FKBP4: variants seen among roughly 807,000 people sequenced by gnomAD.
The protein encoded by FKBP4 is FKBP prolyl isomerase 4, also known as peptidyl-prolyl cis-trans isomerase FKBP4.
FKBP4 carries 28 observed loss-of-function variants against 54.1 expected under a neutral mutation model. The ratio of observed to expected loss-of-function variants is 0.52; its 90% CI spans 0.38 to 0.71. The LOEUF (loss-of-function observed/expected upper bound fraction) is 0.71. FKBP4 is among the 30% of genes least tolerant of loss of function. The pLI is 0.00. For synonymous variants in FKBP4, 223 were observed against 216.1 expected, an observed-to-expected ratio of 1.03 and a Z score of -0.28; for missense variants, 493 against 574.4, an observed-to-expected ratio of 0.86 and a Z score of 1.45.
chr12:2,799,722 T>A, intron 5 of FKBP4, 128 bp from the exon 6 acceptor site: 1 of 774,712 alleles, frequency 1.3e-6, no homozygotes, highest in Non-Finnish European at 2.2e-6. Flanking sequence ...CAGGGAAGAT[T>A]TGCCAAACAT....
chr12:2,799,352 C>A, intron 5 of FKBP4, 108 bp downstream of exon 5: 4 of 1,141,712 alleles, frequency 3.5e-6, no homozygotes, highest in Non-Finnish European at 4.8e-6. Context: ...CTGGCCACAC[C>A]AAACATACAC....
intron 1 of FKBP4, chr12:2,796,440 T>C: frequency 1.6e-6 from 2 of 1,262,838 alleles, no homozygotes; most frequent in South Asian, 2.6e-5. Context: ...CCCTGTCTAT[T>C]CTTCGTGGAA....
At chr12:2,796,647 C>A in intron 1 of FKBP4, 1 of 1,126,630 alleles carries the variant, frequency 8.9e-7, no homozygotes, top group Non-Finnish European at 1.1e-6. Context: ...TGTTTCTATT[C>A]TCTTCACTCA....
intron 2 of FKBP4, among the ~76,000 whole-genome samples, 156 bp from the exon 3 acceptor site, chr12:2,797,573 T>TA (rs2097902593): frequency 6.6e-6 from 1 of 152,176 alleles, no homozygotes; most frequent in Non-Finnish European, 1.5e-5. Context: ...TTAGACCTGG[T>TA]AGCACTTAAT....
In FKBP4 at chr12:2,799,877, A is replaced by G. The variant is rs576638260; in HGVS notation, c.699A>G (p.Glu233=). The change falls in exon 6 of 10, where the codon GAA becomes GAG. Residue 233 remains glutamate (E), a synonymous_variant. Transcript: ENST00000001008. ...ATGCTTTTGGCAGTGTTGGGAAGGAAAAGTTCCAAATCCCACCAAATGCTG... is the reference window on the plus strand; with the variant it reads ...ATGCTTTTGGCAGTGTTGGGAAGGAGAAGTTCCAAATCCCACCAAATGCTG... ...PSYAFGSVGK[E]KFQIPPNAEL... is the part of the protein sequence containing the mutation. The G allele has an allele frequency of 1.9e-6, 3 of 1,614,140 alleles. No homozygotes were observed. Among genetic ancestry groups the G allele is most frequent in the South Asian group, 2.2e-5 (2 of 91,070 alleles).
chr12:2,798,589 G>A lies in FKBP4; in HGVS notation c.394-117G>A. The A allele has an allele frequency of 6.5e-7, 1 of 1,545,656 alleles. No homozygotes were observed. Among genetic ancestry groups the A allele is most frequent in the Non-Finnish European group, 8.8e-7 (1 of 1,136,200 alleles). On this transcript the variant is annotated intron_variant, in intron 3 of 9. Coordinates refer to ENST00000001008, the MANE Select transcript of FKBP4 (RefSeq NM_002014.4). The surrounding 1 kb of genome is among the most constrained non-coding windows in gnomAD (Gnocchi z 4.3). ...CCACTCTACCCAACTCCTTGTGACT[G>A]CCCTTGTGGTCAGATCCGGCCTGGC...
chr12:2,801,439 CTG>C, intron 9 of FKBP4, 83 bp downstream of exon 9: 2 of 1,584,798 alleles, frequency 1.3e-6, no homozygotes, highest in Non-Finnish European at 1.7e-6. Flanking sequence ...CTTTGGTTGT[CTG>C]TGCCAATCCC....
At chr12:2,796,786 C>G in intron 1 of FKBP4, 1 of 1,079,908 alleles carries the variant, frequency 9.3e-7, no homozygotes, top group South Asian at 2.9e-5. Context: ...ATTATTCAAC[C>G]TTTTACTGGT....
At chr12:2,799,766 T>C (rs1353150182) in intron 5 of FKBP4, 84 bp from the exon 6 acceptor site, 21 of 1,206,474 alleles carry the variant, frequency 1.7e-5, no homozygotes, top group Admixed American at 5.4e-5. Flanking sequence ...GAAGGTACTT[T>C]CCAGGAAATG....
chr12:2,802,247 C>T (rs1361793378), intron 9 of FKBP4, among the ~76,000 whole-genome samples: 2 of 152,166 alleles, frequency 1.3e-5, no homozygotes, highest in African/African-American at 4.8e-5. Flanking sequence ...AAGCGATTCT[C>T]CTGCCTCGGC....
intron 3 of FKBP4, 96 bp downstream of exon 3, chr12:2,797,967 A>G (rs1370233163): frequency 1.4e-6 from 2 of 1,458,612 alleles, no homozygotes; most frequent in Non-Finnish European, 1.9e-6. Context: ...CTTGGAGACA[A>G]TGTAGCCAAG....
Position 2,801,099 on chromosome 12 carries a change from C to A in FKBP4, c.1033-18C>A, listed in dbSNP as rs1253514546. 2 of 1,612,904 alleles carry A rather than the reference C, an allele frequency of 1.2e-6. No individual in the cohort carries two copies. The highest frequency in any genetic ancestry group is 1.1e-5 in the South Asian group (1 of 91,062). ...GCCCTGAGCTCCCACAATGTGGCTT[C>A]CTCTCTGCATTCTTTAGGCCCTAGA... On this transcript the variant is annotated intron_variant, in intron 8 of 9. Coordinates refer to ENST00000001008, the MANE Select transcript of FKBP4 (RefSeq NM_002014.4).
At chr12:2,800,867 T>C (rs997100442) in intron 8 of FKBP4, among the ~76,000 whole-genome samples, 29 of 152,252 alleles carry the variant, frequency 1.9e-4, no homozygotes, top group Admixed American at 5.9e-4. Flanking sequence ...TGCTTTATTC[T>C]AAAGTGAATG....
At position 2,798,591 on chromosome 12, in the gene FKBP4, C is replaced by A; in HGVS notation, c.394-115C>A. On this transcript the variant is annotated intron_variant, in intron 3 of 9. Transcript: ENST00000001008. This position sits in a 1 kb window ranked among gnomAD's most constrained non-coding sequence, Gnocchi z 4.3. The stretch of plus-strand genomic sequence containing the variant: ...ACTCTACCCAACTCCTTGTGACTGC[C>A]CTTGTGGTCAGATCCGGCCTGGCAG... 1 of 1,552,480 alleles carries A rather than the reference C, an allele frequency of 6.4e-7. No individual in the cohort carries two copies. The highest frequency in any genetic ancestry group is 8.8e-7 in the Non-Finnish European group (1 of 1,141,232).
At position 2,801,309 on chromosome 12, in the gene FKBP4, A is replaced by C. The variant is rs201034010; in HGVS notation, c.1225A>C (p.Lys409Gln). ...CCGAAGGCAGCTTGCCCGGGAGAAGAAGCTCTATGCCAATATGTTTGAGAG... is the reference window on the plus strand; with the variant it reads ...CCGAAGGCAGCTTGCCCGGGAGAAGCAGCTCTATGCCAATATGTTTGAGAG... ...RIRRQLAREK[K>Q]LYANMFERLA... The change falls in exon 9 of 10, where the codon AAG (lysine) becomes CAG (glutamine). Residue 409 changes from lysine (K) to glutamine (Q), a missense_variant. Lys to Gln is a moderately conservative substitution (Grantham distance 53). Transcript: ENST00000001008. The C allele has an allele frequency of 7.7e-5, 125 of 1,614,180 alleles. No individual in the cohort carries two copies. Among genetic ancestry groups the C allele is most frequent in the Admixed American group, 6.8e-4 (41 of 60,032 alleles).
rs2097901488 is a variant in FKBP4, at chr12:2,795,851, G to A, written c.105+607G>A. Reference sequence around the variant, plus strand: ...CCCTGCCGACGCCGGGACCCAGCGAGGTCCCCACTCGCCGCGCGGCGCCCC... The same window carrying A: ...CCCTGCCGACGCCGGGACCCAGCGAAGTCCCCACTCGCCGCGCGGCGCCCC... On this transcript the variant is annotated intron_variant, in intron 1 of 9. Transcript: ENST00000001008. The surrounding 1 kb of genome is among the most constrained non-coding windows in gnomAD (Gnocchi z 4.3). The A allele has an allele frequency of 4.6e-6, 3 of 648,950 alleles. No homozygotes were observed. Among genetic ancestry groups the A allele is most frequent in the Non-Finnish European group, 5.8e-6 (3 of 520,776 alleles). The allele number at this position is 648,950 out of a possible 1,614,324, so 40.2% of individuals were successfully genotyped here.
rs2097906463 is a variant in FKBP4, at chr12:2,804,399, G to A, written c.*1141G>A. 1 of 152,244 alleles carries A rather than the reference G, an allele frequency of 6.6e-6. No individual in the cohort carries two copies. Among genetic ancestry groups the A allele is most frequent in the South Asian group, 2.1e-4 (1 of 4,834 alleles). 9.4% of individuals were successfully genotyped at this position (152,244 alleles called of 1,614,324 possible). A position where few individuals can be genotyped will look rare whatever the true frequency, so the allele number is the denominator to read the frequency against. On this transcript the variant is annotated 3_prime_UTR_variant, in exon 10 of 10. Transcript: ENST00000001008. ...TGGTGTCACTGACCTCCTCCTGTCA[G>A]ATAACTTACATGATTAAGGTTAAGA...
chr12:2,797,082 G>C, intron 1 of FKBP4, 56 bp from the exon 2 acceptor site: 3 of 1,605,348 alleles, frequency 1.9e-6, no homozygotes, highest in Non-Finnish European at 2.6e-6. Context: ...AGGCAGTGCT[G>C]GTGCCCCTTT....
At chr12:2,797,651 A>T in intron 2 of FKBP4, 78 bp from the exon 3 acceptor site, 1 of 1,510,780 alleles carries the variant, frequency 6.6e-7, no homozygotes, top group Non-Finnish European at 9.0e-7. Flanking sequence ...AGTGTGGTGC[A>T]GTAACTCTTC....
Sources: allele counts gnomAD v4.1 joint callset (sites outside exome capture counted in the v4.1 genomes callset), GRCh38; gene constraint gnomAD v4.1.1; non-coding constraint Gnocchi (gnomAD v3.1); transcripts MANE v1.5; gene names NCBI Gene and HGNC (gene_info 2026-07-23, HGNC 2026-07-21).